ASB16: variants seen among roughly 807,000 people sequenced by gnomAD.
ASB16 encodes the protein ankyrin repeat and SOCS box containing 16.
Under a neutral mutation model 39.1 loss-of-function variants are expected in ASB16, and 44 were observed. The observed-to-expected ratio is 1.13, with a 90% CI of 0.88 to 1.45. The LOEUF is 1.45. ASB16 is among the 40% of genes most tolerant of loss of function. The pLI, the probability that ASB16 is intolerant of heterozygous loss-of-function variation, is 0.00. For synonymous variants in ASB16, 305 were observed against 286.7 expected, an observed-to-expected ratio of 1.06 and a Z score of -0.64; for missense variants, 698 against 634.5, an observed-to-expected ratio of 1.10 and a Z score of -1.07.
At chr17:44,175,521 T>C (rs980288891) in intron 2 of ASB16, among the ~76,000 whole-genome samples, 1 of 152,118 alleles carries the variant, frequency 6.6e-6, no homozygotes, top group Non-Finnish European at 1.5e-5. Flanking sequence ...TACTCACATC[T>C]TGGCTACAGA....
At position 44,176,835 on chromosome 17, in the gene ASB16, G is replaced by A. The variant is rs779931785; in HGVS notation, c.667G>A (p.Glu223Lys). 1.9e-6 allele frequency: 3 copies of A among 1,612,164 alleles called. No homozygotes were observed. In the South Asian group the frequency reaches 3.3e-5, roughly 18 times the overall value. ...GCACGTGGCGGCGGCGCGCGGCCTG[G>A]AGCAACATGTGGCTCTGTACCTGGA... is the stretch of plus-strand genomic sequence containing the variant. ...PLHVAAARGLEQHVALYLEHG... is the reference protein window; with the variant it reads ...PLHVAAARGLKQHVALYLEHG... Residue 223 changes from glutamate (E) to lysine (K), a missense_variant, in exon 3 of 5, where the codon GAG (glutamate) becomes AAG (lysine). Coordinates refer to ENST00000293414, the MANE Select transcript of ASB16 (RefSeq NM_080863.5).
At chr17:44,177,802 G>A in intron 4 of ASB16, 80 bp downstream of exon 4, 1 of 1,552,406 alleles carries the variant, frequency 6.4e-7, no homozygotes. Context: ...CATGGAGGGA[G>A]CAGCAGGAGG....
chr17:44,174,443 T>G (rs1305830048), intron 2 of ASB16, among the ~76,000 whole-genome samples: 1 of 152,142 alleles, frequency 6.6e-6, no homozygotes, highest in Non-Finnish European at 1.5e-5. Context: ...GCAATCCTCC[T>G]GCCCCAGCCT....
chr17:44,171,561 T>TAAAAAAAAAAAAAAAAAAAA lies in ASB16; in HGVS notation c.302-469_302-468insAAAAAAAAAAAAAAAAAAAA, dbSNP rs57839628. Among the ~76,000 whole-genome samples the TAAAAAAAAAAAAAAAAAAAA allele has an allele frequency of 2.0e-5, 2 of 97,684 alleles. 1 individual carries two copies. Among genetic ancestry groups the TAAAAAAAAAAAAAAAAAAAA allele is most frequent in the Non-Finnish European group, 3.7e-5 (2 of 54,718 alleles). The allele number at this position is 97,684 out of a possible 152,430, so 64.1% of individuals were successfully genotyped here. A position where few individuals can be genotyped will look rare whatever the true frequency, so the allele number is the denominator to read the frequency against. On this transcript the variant is annotated intron_variant, in intron 1 of 4. Coordinates refer to ENST00000293414, the MANE Select transcript of ASB16 (RefSeq NM_080863.5). ...CTGGGGGACAGAGCGAGACCCTGCC[T>TAAAAAAAAAAAAAAAAAAAA]AAAAAAAAAAAAAAAAGAGACAAGG...
At chr17:44,171,186 C>T (rs532834640) in intron 1 of ASB16, 96 bp downstream of exon 1, 7 of 1,271,310 alleles carry the variant, frequency 5.5e-6, no homozygotes, top group South Asian at 1.5e-5. Flanking sequence ...CTGCAGACCA[C>T]AGACTATAGC....
Position 44,172,095 on chromosome 17 carries a change from C to A in ASB16, c.351C>A (p.Ile117=), listed in dbSNP as rs749205673. 1.2e-6 allele frequency: 2 copies of A among 1,611,546 alleles called. No individual in the cohort carries two copies. The highest frequency in any genetic ancestry group is 1.7e-6 in the Non-Finnish European group (2 of 1,179,950). The change falls in exon 2 of 5, where the codon ATC becomes ATA. Residue 117 remains isoleucine, a synonymous_variant. Transcript: ENST00000293414. The stretch of plus-strand genomic sequence containing the variant: ...CCAAGCAGACGGCACCCCTCGCCAT[C>A]GCTACAGCCCGAGGCTACACAGACT... The part of the protein sequence containing the change: ...PKTKQTAPLA[I]ATARGYTDCA...
intron 2 of ASB16, among the ~76,000 whole-genome samples, chr17:44,173,524 G>A (rs2054260182): frequency 6.7e-6 from 1 of 149,884 alleles, no homozygotes; most frequent in African/African-American, 2.5e-5. Flanking sequence ...TGAGGTTTTT[G>A]TCTCTACTAA....
At chr17:44,176,205 A>G (rs2054287310) in intron 2 of ASB16, 1 of 158,418 alleles carries the variant, frequency 6.3e-6, no homozygotes, top group Non-Finnish European at 1.4e-5. Flanking sequence ...AAAAATTTAA[A>G]AAATTAGCCA....
rs868622137 is a variant in ASB16, at chr17:44,173,115, G to A, written c.569+802G>A. On this transcript the variant is annotated intron_variant, in intron 2 of 4. Coordinates refer to ENST00000293414, the MANE Select transcript of ASB16 (RefSeq NM_080863.5). ...AAAAAAAAAAAAAAAAAAGCCGGGC[G>A]CCATGGCTCACGCCTGTAATCCCAG... 5.2e-3 allele frequency among the ~76,000 whole-genome samples: 717 copies of A among 137,492 alleles called. 12 individuals are homozygous for A. Among genetic ancestry groups the A allele is most frequent in the African/African-American group, 0.018 (675 of 38,084 alleles). The allele number at this position is 137,492 out of a possible 152,430, so 90.2% of individuals were successfully genotyped here. A position where few individuals can be genotyped will look rare whatever the true frequency, so the allele number is the denominator to read the frequency against.
chr17:44,177,396 G>A, intron 3 of ASB16, 166 bp downstream of exon 3: 1 of 1,188,316 alleles, frequency 8.4e-7, no homozygotes, highest in Non-Finnish European at 1.2e-6. Flanking sequence ...CTGGGAGAGA[G>A]AGTCCAAGGG....
chr17:44,177,454 T>A, intron 3 of ASB16, 155 bp from the exon 4 acceptor site: 1 of 1,154,920 alleles, frequency 8.7e-7, no homozygotes, highest in Non-Finnish European at 1.2e-6. Flanking sequence ...TGGAGCATAC[T>A]TGAGGGTGGG....
chr17:44,170,725 G>A lies in ASB16; in HGVS notation c.-65G>A. 1 of 1,505,262 alleles carries A rather than the reference G, an allele frequency of 6.6e-7. No homozygotes were observed. The highest frequency in any genetic ancestry group is 1.3e-5 in the South Asian group (1 of 75,774). 93.2% of individuals were successfully genotyped at this position (1,505,262 alleles called of 1,614,324 possible). ...CAGGGTGGCTCCTCAGAGCAAGGGA[G>A]GTAGTCGGGTCGAGGGAACCTGGCT... On this transcript the variant is annotated 5_prime_UTR_variant, in exon 1 of 5. Coordinates refer to ENST00000293414, the MANE Select transcript of ASB16 (RefSeq NM_080863.5).
At chr17:44,177,266 G>A in intron 3 of ASB16, 36 bp downstream of exon 3, 2 of 1,500,020 alleles carry the variant, frequency 1.3e-6, no homozygotes, top group Non-Finnish European at 1.8e-6. Flanking sequence ...AGGCTCCTGT[G>A]TGGGGGAGCC....
rs1043941140 is a variant in ASB16 at position 44,172,080 on chromosome 17, G to A, written c.336G>A (p.Thr112=). The A allele has an allele frequency of 9.3e-6, 15 of 1,611,868 alleles. No homozygotes were observed. Among genetic ancestry groups the A allele is most frequent in the East Asian group, 4.5e-5 (2 of 44,868 alleles). The part of the protein sequence containing the change: ...FWVLTPKTKQ[T]APLAIATARG... ...TGCTGACCCCCAAGACCAAGCAGAC[G>A]GCACCCCTCGCCATCGCTACAGCCC... The change falls in exon 2 of 5, where the codon ACG becomes ACA. Residue 112 remains threonine (T), a synonymous_variant. Coordinates refer to ENST00000293414, the MANE Select transcript of ASB16 (RefSeq NM_080863.5).
intron 2 of ASB16, among the ~76,000 whole-genome samples, chr17:44,174,338 C>A (rs1466882396): frequency 6.6e-6 from 1 of 152,156 alleles, no homozygotes; most frequent in Non-Finnish European, 1.5e-5. Context: ...AGCCACCGCG[C>A]CCGGCCCAAC....
At chr17:44,177,583 G>T (rs1468015978) in intron 3 of ASB16, 26 bp from the exon 4 acceptor site, 1 of 1,609,398 alleles carries the variant, frequency 6.2e-7, no homozygotes. Flanking sequence ...GGAGGCATGT[G>T]CCCAAGACCC....
At chr17:44,176,491 C>T in intron 2 of ASB16, 2 of 608,360 alleles carry the variant, frequency 3.3e-6, no homozygotes. Flanking sequence ...CACTAACTTG[C>T]TGTGTGTCCT....
intron 2 of ASB16, among the ~76,000 whole-genome samples, chr17:44,173,039 G>T (rs2054255238): frequency 6.8e-6 from 1 of 148,080 alleles, no homozygotes; most frequent in Admixed American, 6.8e-5. Flanking sequence ...GGCAGAGGTT[G>T]CAGTGAGCCG....
In ASB16 at chr17:44,170,829, C is replaced by T. The variant is rs533182208; in HGVS notation, c.40C>T (p.Arg14Cys). ...ETFPFTSSMLRSLRLQQEWLE... is the reference protein window; with the variant it reads ...ETFPFTSSMLCSLRLQQEWLE... ...CTTCCCCTTCACCTCCTCCATGCTG[C>T]GCTCTCTCCGCCTGCAGCAGGAGTG... Residue 14 changes from arginine (R) to cysteine (C), a missense_variant, in exon 1 of 5, where the codon CGC (arginine) becomes TGC (cysteine). Transcript: ENST00000293414. The T allele has an allele frequency of 6.8e-6, 11 of 1,610,904 alleles. No individual in the cohort carries two copies. Among genetic ancestry groups the T allele is most frequent in the Non-Finnish European group, 8.5e-6 (10 of 1,179,174 alleles).
Sources: allele counts gnomAD v4.1 joint callset (sites outside exome capture counted in the v4.1 genomes callset), GRCh38; gene constraint gnomAD v4.1.1; transcripts MANE v1.5; gene names NCBI Gene and HGNC (gene_info 2026-07-23, HGNC 2026-07-21).